The following MLLT3 variants were observed in gnomAD, a reference collection of about 807,000 sequenced individuals.
MLLT3 encodes MLLT3 super elongation complex subunit, also known as protein AF-9.
MLLT3 carries 4 observed loss-of-function variants against 53.2 expected under a neutral mutation model. The ratio of observed to expected loss-of-function variants is 0.08; its 90% CI spans 0.04 to 0.17. The LOEUF is 0.17. Among genes scored for constraint, MLLT3 ranks in the 10% least tolerant of loss-of-function variants. The pLI is 1.00. For synonymous variants in MLLT3, 283 were observed against 230.6 expected (o/e 1.23, Z -2.06); for missense variants, 569 against 684.0 (o/e 0.83, Z 1.87).
chr9:20,615,901 A>C (rs967294385), intron 2 of MLLT3, among the ~76,000 whole-genome samples: 3 of 151,190 alleles, frequency 2.0e-5, no homozygotes. Context: ...AGAAAAGAAA[A>C]GTAAACAATG....
chr9:20,591,683 C>G (rs1820133646), intron 2 of MLLT3, among the ~76,000 whole-genome samples: 1 of 152,096 alleles, frequency 6.6e-6, no homozygotes, highest in African/African-American at 2.4e-5. Context: ...TAGGGAGCAT[C>G]TTGAATATGA....
intron 5 of MLLT3, among the ~76,000 whole-genome samples, chr9:20,372,554 A>ATTTTTTTTTT (rs34889625): frequency 1.2e-5 from 1 of 82,224 alleles, no homozygotes; most frequent in Non-Finnish European, 2.2e-5. Flanking sequence ...CGCCCGGCTA[A>ATTTTTTTTTT]TTTTTTTTTT....
chr9:20,348,229 AT>A (rs879643580), intron 10 of MLLT3, among the ~76,000 whole-genome samples: 26 of 151,898 alleles, frequency 1.7e-4, no homozygotes, highest in Non-Finnish European at 2.9e-4. Flanking sequence ...TTATTCCTTA[AT>A]TTTTTTTTAT....
At chr9:20,508,826 C>A (rs1437560655) in intron 2 of MLLT3, among the ~76,000 whole-genome samples, 2 of 152,198 alleles carry the variant, frequency 1.3e-5, no homozygotes, top group African/African-American at 4.8e-5. Context: ...TTTTACAATA[C>A]TGAAAAACAT....
intron 2 of MLLT3, among the ~76,000 whole-genome samples, chr9:20,470,254 A>T (rs535738091): frequency 7.2e-5 from 11 of 152,144 alleles, no homozygotes; most frequent in African/African-American, 2.6e-4. Context: ...GTGCTAAAAG[A>T]ATAGAAAAAA....
At chr9:20,593,821 T>C (rs2131189226) in intron 2 of MLLT3, among the ~76,000 whole-genome samples, 1 of 152,366 alleles carries the variant, frequency 6.6e-6, no homozygotes, top group Non-Finnish European at 1.5e-5. Flanking sequence ...GCATAATTCA[T>C]AGAAAGCCTT....
intron 2 of MLLT3, among the ~76,000 whole-genome samples, chr9:20,477,821 C>T (rs537895962): frequency 2.0e-5 from 3 of 152,194 alleles, no homozygotes; most frequent in African/African-American, 7.2e-5. Flanking sequence ...AATGAGATGA[C>T]CAACACTGCT....
intron 2 of MLLT3, among the ~76,000 whole-genome samples, chr9:20,538,516 C>A (rs921437603): frequency 2.0e-5 from 3 of 152,114 alleles, no homozygotes; most frequent in African/African-American, 7.2e-5. Flanking sequence ...GCAAACATTC[C>A]TATCTAAATT....
At chr9:20,612,724 A>G (rs1356321615) in intron 2 of MLLT3, among the ~76,000 whole-genome samples, 1 of 152,182 alleles carries the variant, frequency 6.6e-6, no homozygotes, top group East Asian at 1.9e-4. Flanking sequence ...ACCAGGAACC[A>G]GAGAAATGTA....
intron 8 of MLLT3, among the ~76,000 whole-genome samples, chr9:20,357,608 T>G (rs1264515132): frequency 6.6e-6 from 1 of 152,252 alleles, no homozygotes; most frequent in South Asian, 2.1e-4. Context: ...TCTTTCATAC[T>G]AATGACAGTA....
chr9:20,370,723 C>T (rs1821577933), intron 5 of MLLT3, among the ~76,000 whole-genome samples: 1 of 152,126 alleles, frequency 6.6e-6, no homozygotes, highest in African/African-American at 2.4e-5. Flanking sequence ...GTTAGCCAGG[C>T]TGATCTCGAA....
At chr9:20,445,455 A>C (rs758787154) in intron 4 of MLLT3, among the ~76,000 whole-genome samples, 11 of 152,236 alleles carry the variant, frequency 7.2e-5, no homozygotes, top group South Asian at 4.1e-4. Flanking sequence ...TCTCCCAAAA[A>C]AGTTGTTATA....
At chr9:20,530,851 G>A (rs897340142) in intron 2 of MLLT3, among the ~76,000 whole-genome samples, 7 of 152,072 alleles carry the variant, frequency 4.6e-5, no homozygotes, top group African/African-American at 7.2e-5. Context: ...GCTTGGTCTC[G>A]AACTACTTAT....
chr9:20,393,747 G>A (rs1822250371), intron 5 of MLLT3, among the ~76,000 whole-genome samples: 1 of 152,094 alleles, frequency 6.6e-6, no homozygotes, highest in Non-Finnish European at 1.5e-5. Flanking sequence ...TTTCAATTAT[G>A]TAGTAATTAG....
chr9:20,367,574 T>C (rs1033220786), intron 5 of MLLT3, among the ~76,000 whole-genome samples: 1 of 152,186 alleles, frequency 6.6e-6, no homozygotes, highest in Non-Finnish European at 1.5e-5. Context: ...AGTGTGCAAA[T>C]ATACCAATCA....
At chr9:20,425,290 T>C (rs757677363) in intron 4 of MLLT3, among the ~76,000 whole-genome samples, 1 of 152,154 alleles carries the variant, frequency 6.6e-6, no homozygotes, top group African/African-American at 2.4e-5. Context: ...GCATAGCATA[T>C]AGTTAGGAAA....
intron 2 of MLLT3, among the ~76,000 whole-genome samples, chr9:20,549,643 C>G (rs1353543503): frequency 6.6e-6 from 1 of 152,204 alleles, no homozygotes; most frequent in Non-Finnish European, 1.5e-5. Flanking sequence ...TGAACCTAAA[C>G]AGTCTGGCTC....
intron 2 of MLLT3, among the ~76,000 whole-genome samples, chr9:20,606,269 A>G (rs1820564529): frequency 1.3e-5 from 2 of 151,420 alleles, no homozygotes; most frequent in Non-Finnish European, 2.9e-5. Flanking sequence ...GCTGGTACAT[A>G]GGACTGGTTA....
At chr9:20,586,550 T>A (rs942511273) in intron 2 of MLLT3, among the ~76,000 whole-genome samples, 7 of 152,056 alleles carry the variant, frequency 4.6e-5, no homozygotes, top group African/African-American at 1.7e-4. Context: ...ACTAACCTGC[T>A]GAAAAAGAGA....
Sources: gnomAD v4.1 joint callset for allele counts (sites outside exome capture counted in the v4.1 genomes callset) on GRCh38, gnomAD v4.1.1 for gene constraint, MANE v1.5 for transcripts, NCBI Gene and HGNC (gene_info 2026-07-23, HGNC 2026-07-21) for gene names.